CSMD1: variants seen among roughly 807,000 people sequenced by gnomAD.
The protein encoded by CSMD1 is CUB and Sushi multiple domains 1.
Under a neutral mutation model 417.5 loss-of-function variants are expected in CSMD1, and 213 were observed. The observed-to-expected ratio is 0.51, with a 90% CI of 0.46 to 0.57. CSMD1 has a LOEUF of 0.57. Ranked by LOEUF, CSMD1 falls within the 20% of genes least tolerant of loss-of-function variation. The pLI, the probability that CSMD1 is intolerant of heterozygous loss-of-function variation, is 0.00. For missense variants in CSMD1, 6,923 were observed against 4,529.7 expected, an observed-to-expected ratio of 1.53 and a Z score of -15.17; for synonymous variants, 2,862 against 1,736.8, an observed-to-expected ratio of 1.65 and a Z score of -16.11.
intron 2 of CSMD1, among the ~76,000 whole-genome samples, chr8:4,563,225 C>T (rs1798430836): frequency 1.3e-5 from 2 of 152,050 alleles, no homozygotes; most frequent in East Asian, 1.9e-4. Flanking sequence ...CACGGTGAAA[C>T]CCCGTCTCTA....
chr8:4,367,151 T>G (rs1396294810), intron 3 of CSMD1, among the ~76,000 whole-genome samples: 2 of 152,180 alleles, frequency 1.3e-5, no homozygotes. Flanking sequence ...TTTCTTAGGT[T>G]GTTTTCTATG....
chr8:3,398,494 T>G (rs967312047), intron 16 of CSMD1, among the ~76,000 whole-genome samples: 1 of 152,204 alleles, frequency 6.6e-6, no homozygotes, highest in African/African-American at 2.4e-5. Context: ...AAACCTTTCC[T>G]GTGTTGATGT....
intron 3 of CSMD1, among the ~76,000 whole-genome samples, chr8:4,112,902 T>C (rs560109591): frequency 5.8e-4 from 88 of 152,330 alleles, no homozygotes; most frequent in African/African-American, 1.9e-3. Context: ...AGCAAGTCTA[T>C]TGGAGCCATT....
intron 1 of CSMD1, among the ~76,000 whole-genome samples, chr8:4,818,368 A>G (rs565169375): frequency 2.0e-5 from 3 of 152,312 alleles, no homozygotes; most frequent in South Asian, 2.1e-4. Context: ...TGTTCCTTCA[A>G]TAAGTGCCAT....
At chr8:3,518,993 T>C (rs1343549671) in intron 10 of CSMD1, among the ~76,000 whole-genome samples, 2 of 152,210 alleles carry the variant, frequency 1.3e-5, no homozygotes, top group Non-Finnish European at 2.9e-5. Flanking sequence ...GAAATATAAA[T>C]GATCTGTTTT....
chr8:4,419,913 G>T, intron 3 of CSMD1, 40 bp downstream of exon 3: 2 of 1,270,798 alleles, frequency 1.6e-6, no homozygotes, highest in South Asian at 1.3e-5. Context: ...TAGATCATTT[G>T]GACAGTGAAT....
chr8:4,154,954 G>C (rs1392652708), intron 3 of CSMD1, among the ~76,000 whole-genome samples: 1 of 152,124 alleles, frequency 6.6e-6, no homozygotes, highest in African/African-American at 2.4e-5. Flanking sequence ...ATGTTATATT[G>C]AAAATTAAGT....
intron 51 of CSMD1, among the ~76,000 whole-genome samples, chr8:3,022,245 C>T (rs1809490025): frequency 6.6e-6 from 1 of 151,480 alleles, no homozygotes; most frequent in Admixed American, 6.6e-5. Context: ...AATCCCACAG[C>T]ATCTGGAATG....
At chr8:3,106,388 A>G in intron 46 of CSMD1, 140 bp downstream of exon 46, 2 of 565,636 alleles carry the variant, frequency 3.5e-6, no homozygotes. Flanking sequence ...ACAGAGTAAG[A>G]CCCTATCTCC....
chr8:2,995,887 A>C (rs1323750267), intron 54 of CSMD1, among the ~76,000 whole-genome samples: 1 of 152,212 alleles, frequency 6.6e-6, no homozygotes, highest in Non-Finnish European at 1.5e-5. Flanking sequence ...AATGGATACC[A>C]GGAATTAAGA....
intron 2 of CSMD1, among the ~76,000 whole-genome samples, chr8:4,608,389 C>T (rs775718150): frequency 6.6e-6 from 1 of 152,068 alleles, no homozygotes; most frequent in Non-Finnish European, 1.5e-5. Flanking sequence ...GCAGAGGGCT[C>T]GACAAAAGGA....
intron 1 of CSMD1, among the ~76,000 whole-genome samples, chr8:4,708,361 C>A (rs757259312): frequency 5.9e-5 from 9 of 152,166 alleles, no homozygotes; most frequent in Non-Finnish European, 1.2e-4. Context: ...TAGACAACAT[C>A]TGTCTTGTTC....
At chr8:3,575,545 A>G (rs1427854027) in intron 9 of CSMD1, among the ~76,000 whole-genome samples, 1 of 152,130 alleles carries the variant, frequency 6.6e-6, no homozygotes, top group African/African-American at 2.4e-5. Flanking sequence ...CCTCCAATAA[A>G]TTGTGTCTTT....
chr8:4,017,090 G>A (rs895507439), intron 4 of CSMD1, among the ~76,000 whole-genome samples: 1 of 152,180 alleles, frequency 6.6e-6, no homozygotes, highest in Non-Finnish European at 1.5e-5. Context: ...TGTACTCAGT[G>A]ACCGCGGTGT....
intron 1 of CSMD1, among the ~76,000 whole-genome samples, chr8:4,774,830 C>T (rs536952555): frequency 6.9e-6 from 1 of 143,976 alleles, no homozygotes; most frequent in East Asian, 1.9e-4. Flanking sequence ...CTTCCTCCTA[C>T]TGGAGGCATG....
At chr8:4,897,949 T>G (rs1321975206) in intron 1 of CSMD1, among the ~76,000 whole-genome samples, 1 of 152,126 alleles carries the variant, frequency 6.6e-6, no homozygotes, top group Admixed American at 6.5e-5. Context: ...AAGTCTAATT[T>G]TTATAATATG....
intron 1 of CSMD1, among the ~76,000 whole-genome samples, chr8:4,899,709 C>T (rs527440894): frequency 6.6e-6 from 1 of 152,236 alleles, no homozygotes; most frequent in Non-Finnish European, 1.5e-5. Context: ...TTAAAAATTT[C>T]TAATCATATC....
intron 11 of CSMD1, among the ~76,000 whole-genome samples, chr8:3,471,208 C>T (rs1018248378): frequency 3.3e-5 from 5 of 152,142 alleles, no homozygotes; most frequent in South Asian, 4.1e-4. Flanking sequence ...TTAACAGCTA[C>T]GTGCATTTAA....
intron 3 of CSMD1, among the ~76,000 whole-genome samples, chr8:4,393,882 G>C (rs1041155540): frequency 1.3e-5 from 2 of 152,280 alleles, no homozygotes; most frequent in Admixed American, 1.3e-4. Flanking sequence ...ACAACCATGA[G>C]ACATATGAAA....
Sources: allele counts gnomAD v4.1 joint callset (sites outside exome capture counted in the v4.1 genomes callset), GRCh38; gene constraint gnomAD v4.1.1; transcripts MANE v1.5; gene names NCBI Gene and HGNC (gene_info 2026-07-23, HGNC 2026-07-21).